PAK3: variants seen among roughly 807,000 people sequenced by gnomAD.
PAK3 encodes serine/threonine-protein kinase PAK 3.
PAK3 carries 4 observed loss-of-function variants against 41.0 expected under a neutral mutation model. The ratio of observed to expected loss-of-function variants is 0.10; its 90% CI spans 0.05 to 0.22. PAK3 has a LOEUF of 0.22. Ranked by LOEUF, PAK3 falls within the 10% of genes least tolerant of loss-of-function variation. PAK3 has a pLI of 1.00. For missense variants in PAK3, 205 were observed against 409.9 expected (o/e 0.50, Z 4.32); for synonymous variants, 146 against 139.6 (o/e 1.05, Z -0.32).
intron 1 of PAK3, among the ~76,000 whole-genome samples, chrX:110,978,200 T>C (rs765939096): frequency 3.6e-5 from 4 of 111,937 alleles, no homozygotes; most frequent in Non-Finnish European, 3.8e-5. Context: ...ATTTTGCAGA[T>C]GTTAAAACAA....
intron 12 of PAK3, 69 bp from the exon 13 acceptor site, chrX:111,192,437 C>T: frequency 1.6e-6 from 1 of 643,228 alleles, no homozygotes; most frequent in Non-Finnish European, 2.6e-6. Flanking sequence ...CTCTATGTCC[C>T]CCAAAATATG....
chrX:111,224,594 G>A lies in PAK3; in HGVS notation c.*4147G>A, dbSNP rs746483366. 7.1e-5 allele frequency: 8 copies of A among 112,671 alleles called. No homozygotes were observed. Among genetic ancestry groups the A allele is most frequent in the African/African-American group, 2.6e-4 (8 of 31,110 alleles). The allele number at this position is 112,671 out of a possible 1,213,427, so 9.3% of individuals were successfully genotyped here. A position where few individuals can be genotyped will look rare whatever the true frequency, so the allele number is the denominator to read the frequency against. On this transcript the variant is annotated 3_prime_UTR_variant, in exon 18 of 18. Transcript: ENST00000372007. ...CAAATATGTAGGACTGTCTCTGCCTGTTGGCATTCAGTTATAGTTCTGTTA... is the reference window on the plus strand; with the variant it reads ...CAAATATGTAGGACTGTCTCTGCCTATTGGCATTCAGTTATAGTTCTGTTA...
intron 1 of PAK3, among the ~76,000 whole-genome samples, chrX:110,986,754 C>CGTGT (rs1491137122): frequency 4.7e-5 from 4 of 86,009 alleles, no homozygotes; most frequent in African/African-American, 2.0e-4. Flanking sequence ...ACCAAGTGTA[C>CGTGT]GCGTGTGTGT....
At chrX:111,057,417 G>C (rs912937862) in intron 1 of PAK3, among the ~76,000 whole-genome samples, 1 of 111,750 alleles carries the variant, frequency 8.9e-6, no homozygotes, top group Non-Finnish European at 1.9e-5. Flanking sequence ...CCATTTCAAT[G>C]TAAGTTGTAA....
intron 1 of PAK3, among the ~76,000 whole-genome samples, chrX:110,999,900 G>A (rs903101044): frequency 4.5e-5 from 5 of 111,253 alleles, no homozygotes; most frequent in Admixed American, 9.5e-5. Flanking sequence ...CCAAGGGGGC[G>A]AAGGTTGCAG....
At chrX:111,179,222 G>T (rs1180404784) in intron 11 of PAK3, among the ~76,000 whole-genome samples, 1 of 109,252 alleles carries the variant, frequency 9.2e-6, no homozygotes, top group Non-Finnish European at 1.9e-5. Flanking sequence ...GAGTCTTCCA[G>T]CAGTTACTCA....
At chrX:111,080,584 T>C (rs2092826220) in intron 1 of PAK3, among the ~76,000 whole-genome samples, 2 of 111,935 alleles carry the variant, frequency 1.8e-5, no homozygotes, top group Non-Finnish European at 3.8e-5. Context: ...ATTGAAGTGG[T>C]CTGGAACCAA....
At chrX:111,149,346 G>A (rs2093994571) in intron 7 of PAK3, among the ~76,000 whole-genome samples, 1 of 111,680 alleles carries the variant, frequency 9.0e-6, no homozygotes, top group Admixed American at 9.5e-5. Flanking sequence ...CTACCATTCT[G>A]GGATCTGGAG....
In PAK3 at chrX:111,121,536, G is replaced by T. The variant is rs775037397; in HGVS notation, c.-27-1541G>T. ...AATAAACATACTATAACCACTAAAG[G>T]GCCGGAAAGCATTGATAGATAATTT... On this transcript the variant is annotated intron_variant, in intron 4 of 17. Transcript: ENST00000372007. 2.7e-5 allele frequency among the ~76,000 whole-genome samples: 3 copies of T among 111,660 alleles called. No homozygotes were observed. In the East Asian group the frequency reaches 8.4e-4, roughly 31 times the overall value.
At chrX:110,999,897 G>A (rs1273651060) in intron 1 of PAK3, among the ~76,000 whole-genome samples, 1 of 111,094 alleles carries the variant, frequency 9.0e-6, no homozygotes, top group Non-Finnish European at 1.9e-5. Context: ...GAACCAAGGG[G>A]GCGAAGGTTG....
chrX:111,019,263 C>A (rs915127108), intron 1 of PAK3, among the ~76,000 whole-genome samples: 14 of 111,030 alleles, frequency 1.3e-4, no homozygotes, highest in African/African-American at 4.6e-4. Context: ...AAATTAAAAA[C>A]CTTTATGTAT....
At chrX:111,220,049 A>G (rs1016504156) in intron 17 of PAK3, among the ~76,000 whole-genome samples, 5 of 111,442 alleles carry the variant, frequency 4.5e-5, no homozygotes, top group Admixed American at 1.9e-4. Flanking sequence ...TACTTTTTCC[A>G]AGCATGACAG....
intron 4 of PAK3, among the ~76,000 whole-genome samples, chrX:111,104,263 T>C (rs1397762976): frequency 9.1e-6 from 1 of 110,348 alleles, no homozygotes; most frequent in African/African-American, 3.3e-5. Flanking sequence ...TGGTCTTCTG[T>C]CTATCAGTTG....
In PAK3 at chrX:111,220,945, C is replaced by CAAAAAAAAAAA; in HGVS notation, c.*505_*515dup. 2 of 49,416 alleles carry CAAAAAAAAAAA rather than the reference C, an allele frequency of 4.0e-5. No homozygotes were observed. Among genetic ancestry groups the CAAAAAAAAAAA allele is most frequent in the African/African-American group, 1.7e-4 (2 of 11,735 alleles). The allele number at this position is 49,416 out of a possible 1,213,427, so 4.1% of individuals were successfully genotyped here. A position where few individuals can be genotyped will look rare whatever the true frequency, so the allele number is the denominator to read the frequency against. ...AAAAAAGAAAGCAAAAAAAGCAAGG[C>CAAAAAAAAAAA]AAAAAAAAAAAAAAAAACAAACAAA... is the stretch of plus-strand genomic sequence containing the variant. On this transcript the variant is annotated 3_prime_UTR_variant, in exon 18 of 18. Coordinates refer to ENST00000372007, the MANE Select transcript of PAK3 (RefSeq NM_002578.5).
At chrX:110,961,165 G>C (rs778779413) in intron 1 of PAK3, among the ~76,000 whole-genome samples, 4 of 111,355 alleles carry the variant, frequency 3.6e-5, no homozygotes, top group South Asian at 7.7e-4. Flanking sequence ...TCTGGATATA[G>C]ATATCTTAAT....
rs919120063 is a variant in PAK3 at position 111,030,329 on chromosome X, G to A, written c.-28+85701G>A. 5.4e-5 allele frequency among the ~76,000 whole-genome samples: 6 copies of A among 110,753 alleles called. No homozygotes were observed. The Admixed American group carries it at 5.8e-4, about 11-fold the overall frequency. On this transcript the variant is annotated intron_variant, in intron 1 of 14. Transcript: ENST00000425146. ...GTAGAGTTGATGTATGAGAATTATT[G>A]GGAATGTGTAGTGAGAAGGAAGGAC...
In PAK3 at chrX:111,222,166, G is replaced by T. The variant is rs953337862; in HGVS notation, c.*1719G>T. The T allele has an allele frequency of 1.8e-5, 2 of 111,998 alleles. No homozygotes were observed. The highest frequency in any genetic ancestry group is 3.8e-5 in the Non-Finnish European group (2 of 53,119). The allele number at this position is 111,998 out of a possible 1,213,427, so 9.2% of individuals were successfully genotyped here. Reference sequence around the variant, plus strand: ...TTTGCAGTATAAAAGAATCTAAACAGAACTTATGTACATTCAGCCAGAAGG... The same window carrying T: ...TTTGCAGTATAAAAGAATCTAAACATAACTTATGTACATTCAGCCAGAAGG... On this transcript the variant is annotated 3_prime_UTR_variant, in exon 18 of 18. Transcript: ENST00000372007.
intron 11 of PAK3, among the ~76,000 whole-genome samples, chrX:111,180,201 T>C (rs1265627417): frequency 1.8e-5 from 2 of 112,032 alleles, no homozygotes; most frequent in Admixed American, 1.9e-4. Context: ...AATTTTACAT[T>C]GTCAATATGT....
At chrX:110,960,175 C>T (rs1343460844) in intron 1 of PAK3, among the ~76,000 whole-genome samples, 2 of 111,823 alleles carry the variant, frequency 1.8e-5, no homozygotes, top group Non-Finnish European at 3.8e-5. Context: ...TGCCTATGTA[C>T]CAGGCACTGT....
Sources: allele counts gnomAD v4.1 joint callset (sites outside exome capture counted in the v4.1 genomes callset), GRCh38; gene constraint gnomAD v4.1.1; transcripts MANE v1.5; gene names NCBI Gene and HGNC (gene_info 2026-07-23, HGNC 2026-07-21).